ESCO2: variants seen among roughly 807,000 people sequenced by gnomAD.
ESCO2 encodes the protein N-acetyltransferase ESCO2.
A neutral mutation model predicts 61.7 loss-of-function variants in ESCO2; 51 were observed. The observed-to-expected ratio is 0.83, with a 90% CI of 0.66 to 1.04. The LOEUF is 1.04. Ranked by LOEUF, ESCO2 falls within the 50% of genes least tolerant of loss-of-function variation. The probability of loss-of-function intolerance (pLI) is 0.00; values close to 1 mark genes in which losing one functional copy is unlikely to be tolerated. For synonymous variants in ESCO2, 230 were observed against 238.2 expected, an observed-to-expected ratio of 0.97 and a Z score of 0.32; for missense variants, 692 against 686.2, an observed-to-expected ratio of 1.01 and a Z score of -0.09.
At chr8:27,802,311 A>G (rs1381676874) in intron 10 of ESCO2, among the ~76,000 whole-genome samples, 3 of 151,490 alleles carry the variant, frequency 2.0e-5, no homozygotes, top group Non-Finnish European at 4.4e-5. Context: ...GAAAAAATAT[A>G]TATAGGCTGG....
At chr8:27,808,870 A>C (rs1261464212), downstream of ESCO2, among the ~76,000 whole-genome samples, 1 of 152,114 alleles carries the variant, frequency 6.6e-6, no homozygotes, top group Non-Finnish European at 1.5e-5. Context: ...ACCTCACCAG[A>C]CTCAAGGGGC....
At chr8:27,772,176 A>G, upstream of ESCO2, 1 of 414,486 alleles carries the variant, frequency 2.4e-6, no homozygotes. Context: ...GAAGGTGGGA[A>G]GAAGACTTGG....
chr8:27,814,050 A>G (rs1805761460), downstream of ESCO2, among the ~76,000 whole-genome samples: 2 of 152,184 alleles, frequency 1.3e-5, no homozygotes, highest in Non-Finnish European at 2.9e-5. Flanking sequence ...AGGTTTTCAT[A>G]TTAGAGTTAT....
chr8:27,776,359 T>G lies in ESCO2; in HGVS notation c.54-3T>G. 1 of 1,600,674 alleles carries G rather than the reference T, an allele frequency of 6.2e-7. No homozygotes were observed. The highest frequency in any genetic ancestry group is 8.5e-7 in the Non-Finnish European group (1 of 1,172,314). ...TATCAATGGACTTTGTTTCTTTTTA[T>G]AGCCTTTTACACTTCACTGAAAATC... On this transcript the variant is annotated splice_region_variant and splice_polypyrimidine_tract_variant and intron_variant, in intron 2 of 10. Transcript: ENST00000305188.
At chr8:27,791,712 C>G (rs1805179312) in intron 7 of ESCO2, among the ~76,000 whole-genome samples, 1 of 152,200 alleles carries the variant, frequency 6.6e-6, no homozygotes, top group Non-Finnish European at 1.5e-5. Flanking sequence ...TGAGCCACCG[C>G]ACCTTTACCT....
chr8:27,786,871 T>TC (rs1298226048), intron 5 of ESCO2, among the ~76,000 whole-genome samples: 8 of 148,986 alleles, frequency 5.4e-5, no homozygotes, highest in East Asian at 4.0e-4. Flanking sequence ...TTTTTTTTTT[T>TC]TTTCTTTCTT....
intron 3 of ESCO2, chr8:27,778,562 C>G (rs1357509926): frequency 6.6e-6 from 1 of 152,152 alleles, no homozygotes; most frequent in Non-Finnish European, 1.5e-5. Flanking sequence ...TGGGGCGTAA[C>G]TCAAGCTAAA....
In ESCO2 at chr8:27,792,750, T is replaced by C. The variant is rs751032624; in HGVS notation, c.1436T>C (p.Phe479Ser). ...AAATGTCCAAACAAAATAAAAACTTTTCTTTTTATATCTGATGAAAAGAGA... is the reference window on the plus strand; with the variant it reads ...AAATGTCCAAACAAAATAAAAACTTCTCTTTTTATATCTGATGAAAAGAGA... The part of the protein sequence containing the change: ...VPKCPNKIKT[F>S]LFISDEKRVV... Residue 479 changes from phenylalanine (F) to serine (S), a missense_variant, in exon 9 of 11, where the codon TTT becomes TCT. Phe to Ser is a radical substitution (Grantham distance 155). Transcript: ENST00000305188. 4.3e-6 allele frequency: 7 copies of C among 1,611,668 alleles called. No individual in the cohort carries two copies. The highest frequency in any genetic ancestry group is 1.7e-5 in the Admixed American group (1 of 59,642).
chr8:27,772,597 G>A, upstream of ESCO2: 2 of 1,525,808 alleles, frequency 1.3e-6, no homozygotes, highest in South Asian at 1.2e-5. Context: ...AACTCACGAA[G>A]CTCAGGATAC....
upstream of ESCO2, chr8:27,773,869 T>A (rs1301972733): frequency 6.6e-6 from 1 of 152,244 alleles, no homozygotes; most frequent in Non-Finnish European, 1.5e-5. Flanking sequence ...AGGAACTTTC[T>A]GGTTTTCCAA....
chr8:27,813,451 T>TA (rs1166781242), downstream of ESCO2, among the ~76,000 whole-genome samples: 1 of 152,296 alleles, frequency 6.6e-6, no homozygotes, highest in East Asian at 1.9e-4. Flanking sequence ...CCCTAGAACT[T>TA]AAACAATTTT....
intron 5 of ESCO2, among the ~76,000 whole-genome samples, chr8:27,787,316 A>G (rs1262060257): frequency 2.7e-5 from 4 of 150,008 alleles, no homozygotes; most frequent in Admixed American, 6.6e-5. Context: ...TATCCAGCCT[A>G]AATATGTTTT....
chr8:27,793,479 G>GT (rs67670087), intron 9 of ESCO2, among the ~76,000 whole-genome samples: 1,639 of 125,454 alleles, frequency 0.013, 25 homozygotes, highest in African/African-American at 0.037. Context: ...CTTTTTCTTT[G>GT]TTTTTTTTTT....
chr8:27,776,181 A>G (rs1039228841), intron 2 of ESCO2, among the ~76,000 whole-genome samples, 181 bp from the exon 3 acceptor site: 5 of 152,020 alleles, frequency 3.3e-5, no homozygotes, highest in African/African-American at 1.2e-4. Context: ...AGATATTTGA[A>G]TGTTTTATTT....
At chr8:27,798,406 G>C (rs1487273599) in intron 9 of ESCO2, among the ~76,000 whole-genome samples, 1 of 152,008 alleles carries the variant, frequency 6.6e-6, no homozygotes, top group Non-Finnish European at 1.5e-5. Flanking sequence ...GTTGCAGTGA[G>C]CGAGATCGTG....
intron 10 of ESCO2, among the ~76,000 whole-genome samples, chr8:27,802,531 C>T (rs1274599137): frequency 5.2e-5 from 7 of 134,674 alleles, no homozygotes; most frequent in African/African-American, 1.4e-4. Flanking sequence ...CGCTTGAACC[C>T]GGGAGGCGGA....
chr8:27,804,853 T>C lies in ESCO2; in HGVS notation c.*1415T>C. ...TTTAAAATTTTTAATTAACATTTTG[T>C]TTGCTTAATGCTTTTGTTATGAATC... On this transcript the variant is annotated 3_prime_UTR_variant, in exon 11 of 11. Transcript: ENST00000305188. 1.3e-6 allele frequency: 1 copy of C among 755,958 alleles called. No individual in the cohort carries two copies. The highest frequency in any genetic ancestry group is 1.6e-6 in the Non-Finnish European group (1 of 620,204). 46.8% of individuals were successfully genotyped at this position (755,958 alleles called of 1,614,324 possible). A position where few individuals can be genotyped will look rare whatever the true frequency, so the allele number is the denominator to read the frequency against.
intron 4 of ESCO2, among the ~76,000 whole-genome samples, chr8:27,781,550 A>G (rs1804927836): frequency 6.7e-6 from 1 of 148,240 alleles, no homozygotes; most frequent in South Asian, 2.1e-4. Context: ...AGAAACTTGT[A>G]TTGGTATAGA....
At chr8:27,808,298 G>A, downstream of ESCO2, 1 of 903,804 alleles carries the variant, frequency 1.1e-6, no homozygotes, top group Non-Finnish European at 1.5e-6. Flanking sequence ...ACAAGCTCCT[G>A]GAGGCTTCTA....
Sources: allele counts gnomAD v4.1 joint callset (sites outside exome capture counted in the v4.1 genomes callset), GRCh38; gene constraint gnomAD v4.1.1; transcripts MANE v1.5; gene names NCBI Gene and HGNC (gene_info 2026-07-23, HGNC 2026-07-21).